HAS3: variants seen among roughly 807,000 people sequenced by gnomAD.
HAS3 encodes HA synthase 3.
In HAS3, 27 loss-of-function variants were observed where a neutral mutation model predicts 50.3. The ratio of observed to expected loss-of-function variants is 0.54; its 90% CI spans 0.40 to 0.74. HAS3 has a LOEUF of 0.74. Ranked by LOEUF, HAS3 falls within the 30% of genes least tolerant of loss-of-function variation. The pLI, the probability that HAS3 is intolerant of heterozygous loss-of-function variation, is 0.00. For missense variants in HAS3, 517 were observed against 742.8 expected (o/e 0.70, Z 3.53); for synonymous variants, 339 against 310.9 (o/e 1.09, Z -0.95).
downstream of HAS3, chr16:69,118,123 C>T: frequency 2.5e-6 from 1 of 399,444 alleles, no homozygotes; most frequent in Non-Finnish European, 4.5e-6. Flanking sequence ...TCCCTTCATC[C>T]CCCACCCCCA....
Position 69,109,833 on chromosome 16 carries a change from C to T in HAS3, c.438C>T (p.Ala146=), listed in dbSNP as rs773716953. ...FHEVLGGTEQ[A]GFFVWRSNFH... ...AGGTGCTGGGCGGCACCGAGCAGGC[C>T]GGCTTCTTTGTGTGGCGCAGCAACT... The change falls in exon 2 of 4, where the codon GCC becomes GCT. Residue 146 remains alanine, a synonymous_variant. Coordinates refer to ENST00000569188, the MANE Select transcript of HAS3 (RefSeq NM_001199280.2). This position sits in a 1 kb window ranked among gnomAD's most constrained non-coding sequence, Gnocchi z 5.3. The T allele has an allele frequency of 4.2e-5, 67 of 1,612,874 alleles. No homozygotes were observed. The Admixed American group carries it at 5.0e-4, about 12-fold the overall frequency.
rs962983623 is a variant in HAS3 at position 69,115,933 on chromosome 16, A to G, written c.*667A>G. ...TTTAAAAGTGCACATTAAAAAGGAAAGTTTGCCAGGAGGAACAAAGAGATT... is the reference window on the plus strand; with the variant it reads ...TTTAAAAGTGCACATTAAAAAGGAAGGTTTGCCAGGAGGAACAAAGAGATT... On this transcript the variant is annotated 3_prime_UTR_variant, in exon 4 of 4. Transcript: ENST00000569188. 4.1e-6 allele frequency: 4 copies of G among 985,746 alleles called. No individual in the cohort carries two copies. The highest frequency in any genetic ancestry group is 6.1e-5 in the Admixed American group (1 of 16,268). 61.1% of individuals were successfully genotyped at this position (985,746 alleles called of 1,614,324 possible).
the HAS3 span, among the ~76,000 whole-genome samples, chr16:69,099,687 T>C: frequency 2.6e-5 from 4 of 152,356 alleles, no homozygotes; most frequent in African/African-American, 9.6e-5. Flanking sequence ...ATAACGATTG[T>C]GTCTCCTGTT....
chr16:69,113,360 G>C lies in HAS3; in HGVS notation c.637-81G>C, dbSNP rs1427388859. On this transcript the variant is annotated intron_variant, in intron 2 of 3. Transcript: ENST00000569188. The stretch of plus-strand genomic sequence containing the variant: ...GTGAAGGGGTCATGTCTCTCAGGCA[G>C]TGAGCAGCCTGGCAGTGGGGTGGGG... 3 of 896,460 alleles carry C rather than the reference G, an allele frequency of 3.3e-6. No homozygotes were observed. The African/African-American group carries it at 4.9e-5, about 15-fold the overall frequency. The allele number at this position is 896,460 out of a possible 1,614,324, so 55.5% of individuals were successfully genotyped here.
chr16:69,095,277 A>G, the HAS3 span, among the ~76,000 whole-genome samples: 1 of 151,994 alleles, frequency 6.6e-6, no homozygotes, highest in Admixed American at 6.6e-5. Flanking sequence ...GAGCCACTGC[A>G]CCCAGCCCAT....
intron 2 of HAS3, among the ~76,000 whole-genome samples, chr16:69,110,961 A>C (rs1017910861): frequency 1.3e-5 from 2 of 152,270 alleles, no homozygotes; most frequent in South Asian, 4.1e-4. Flanking sequence ...ATTTTGTAGG[A>C]GCATCGGCAG....
In HAS3 at chr16:69,106,844, T is replaced by C. The variant is rs3759982; in HGVS notation, c.-1+1057T>C. On this transcript the variant is annotated intron_variant, in intron 1 of 3. Transcript: ENST00000569188. The surrounding 1 kb of genome is among the most constrained non-coding windows in gnomAD (Gnocchi z 5.5). ...GCCGGGCACAAGAGGAGGAGCCCCG[T>C]TGGGCGCACAAGTTTCCATGCCGCT... 25,524 of 152,052 alleles carry C rather than the reference T, an allele frequency of 0.17. 2,634 individuals are homozygous for C. Among genetic ancestry groups the C allele is most frequent in the African/African-American group, 0.29 (11,909 of 41,470 alleles). 9.4% of individuals were successfully genotyped at this position (152,052 alleles called of 1,614,324 possible). A position where few individuals can be genotyped will look rare whatever the true frequency, so the allele number is the denominator to read the frequency against.
At chr16:69,110,956 G>A (rs1369222660) in intron 2 of HAS3, among the ~76,000 whole-genome samples, 3 of 152,120 alleles carry the variant, frequency 2.0e-5, no homozygotes, top group Non-Finnish European at 4.4e-5. Context: ...GCTTCATTTT[G>A]TAGGAGCATC....
rs1162084055 is a variant in HAS3 at position 69,115,419 on chromosome 16, A to AGTAT, written c.*155_*158dup. On this transcript the variant is annotated 3_prime_UTR_variant, in exon 4 of 4. Coordinates refer to ENST00000569188, the MANE Select transcript of HAS3 (RefSeq NM_001199280.2). ...TCTAAAATGCAAAGAACGGTGATGT[A>AGTAT]GTATGGCCTGACAGCTCTGTTTAGA... 7.3e-6 allele frequency: 10 copies of AGTAT among 1,372,580 alleles called. No individual in the cohort carries two copies. The highest frequency in any genetic ancestry group is 9.4e-6 in the Non-Finnish European group (10 of 1,067,830). 85.0% of individuals were successfully genotyped at this position (1,372,580 alleles called of 1,614,324 possible).
chr16:69,108,489 T>G (rs945007649), intron 1 of HAS3, among the ~76,000 whole-genome samples: 1 of 152,180 alleles, frequency 6.6e-6, no homozygotes, highest in Non-Finnish European at 1.5e-5. Context: ...GAGCCCTGAC[T>G]TAGTTGCAAA....
chr16:69,096,281 C>T, the HAS3 span, among the ~76,000 whole-genome samples: 2 of 150,782 alleles, frequency 1.3e-5, no homozygotes, highest in Non-Finnish European at 2.9e-5. Context: ...GCCTGTAATC[C>T]CAGCACTTTG....
At chr16:69,110,457 A>G (rs1960962854) in intron 2 of HAS3, among the ~76,000 whole-genome samples, 1 of 152,040 alleles carries the variant, frequency 6.6e-6, no homozygotes, top group Non-Finnish European at 1.5e-5. Flanking sequence ...CCCAGGCTGG[A>G]GTGCAACGGC....
At chr16:69,084,805 C>G in the HAS3 span, 1 of 152,358 alleles carries the variant, frequency 6.6e-6, no homozygotes, top group Non-Finnish European at 1.5e-5. Context: ...CCACAGGAAC[C>G]AAAACGCAGT....
At chr16:69,105,975 C>T (rs1453946530) in intron 1 of HAS3, among the ~76,000 whole-genome samples, 188 bp downstream of exon 1, 1 of 152,236 alleles carries the variant, frequency 6.6e-6, no homozygotes, top group Non-Finnish European at 1.5e-5. Flanking sequence ...CGGCCCCACT[C>T]GGGGGACCCA....
the HAS3 span, chr16:69,083,499 C>G: frequency 8.1e-6 from 13 of 1,611,312 alleles, no homozygotes; most frequent in African/African-American, 1.7e-4. Flanking sequence ...TGAGCGCCGT[C>G]CTCAAGGATC....
chr16:69,110,069 TAA>T, intron 2 of HAS3, 38 bp downstream of exon 2: 1 of 1,562,612 alleles, frequency 6.4e-7, no homozygotes, highest in Non-Finnish European at 8.7e-7. Context: ...TACATGGGGA[TAA>T]GTCTGGACAG....
the HAS3 span, among the ~76,000 whole-genome samples, chr16:69,093,276 T>C: frequency 2.0e-5 from 3 of 152,176 alleles, no homozygotes; most frequent in African/African-American, 7.2e-5. Context: ...AGTGGCGCAA[T>C]CTCGGCTCAC....
chr16:69,083,980 T>C, the HAS3 span: 1 of 190,988 alleles, frequency 5.2e-6, no homozygotes, highest in Non-Finnish European at 1.1e-5. Context: ...ACTGATGGAA[T>C]TTCACTAATT....
Position 69,109,300 on chromosome 16 carries a change from G to T in HAS3, c.1-96G>T, listed in dbSNP as rs553717268. 1.1e-4 allele frequency: 133 copies of T among 1,253,962 alleles called. No individual in the cohort carries two copies. Among genetic ancestry groups the T allele is most frequent in the Non-Finnish European group, 1.4e-4 (126 of 909,282 alleles). 77.7% of individuals were successfully genotyped at this position (1,253,962 alleles called of 1,614,324 possible). A position where few individuals can be genotyped will look rare whatever the true frequency, so the allele number is the denominator to read the frequency against. ...GTAAGCGGTAACGGTTTTGATCAGT[G>T]GGTCATGTCCACTAGTAACAGAGAA... On this transcript the variant is annotated intron_variant, in intron 1 of 3. Transcript: ENST00000569188. The surrounding 1 kb of genome is among the most constrained non-coding windows in gnomAD (Gnocchi z 5.3).
Sources: gnomAD v4.1 joint callset for allele counts (sites outside exome capture counted in the v4.1 genomes callset) on GRCh38, gnomAD v4.1.1 for gene constraint, Gnocchi (gnomAD v3.1) non-coding constraint, MANE v1.5 for transcripts, NCBI Gene and HGNC (gene_info 2026-07-23, HGNC 2026-07-21) for gene names.